The following ISLR2 variants were observed in gnomAD, a reference collection of about 807,000 sequenced individuals.
ISLR2 encodes the protein immunoglobulin superfamily containing leucine-rich repeat protein 2.
In ISLR2, 16 loss-of-function variants were observed where a neutral mutation model predicts 25.5. The observed-to-expected ratio is 0.63, with a 90% CI of 0.43 to 0.95. ISLR2 has a LOEUF of 0.95. Among genes scored for constraint, ISLR2 ranks in the 40% least tolerant of loss-of-function variants. ISLR2 has a pLI of 0.00. For synonymous variants in ISLR2, 508 were observed against 486.6 expected (o/e 1.04, Z -0.58); for missense variants, 883 against 1,030.7 (o/e 0.86, Z 1.96).
chr15:74,134,663 A>G lies in ISLR2; in HGVS notation c.1909A>G (p.Met637Val). 6.2e-7 allele frequency: 1 copy of G among 1,614,006 alleles called. No individual in the cohort carries two copies. Among genetic ancestry groups the G allele is most frequent in the Non-Finnish European group, 8.5e-7 (1 of 1,179,984 alleles). ...LILRPQAPDP[M>V]EKRIAADFDP... is the part of the protein sequence containing the mutation. ...CCTGCGGCCTCAGGCCCCTGACCCT[A>G]TGGAGAAGCGCATCGCCGCAGACTT... The change falls in exon 3 of 3, where the codon ATG becomes GTG. Residue 637 changes from methionine to valine, a missense_variant. Transcript: ENST00000453268.
chr15:74,130,875 G>C (rs2072398742), intron 1 of ISLR2, among the ~76,000 whole-genome samples: 1 of 152,112 alleles, frequency 6.6e-6, no homozygotes, highest in Non-Finnish European at 1.5e-5. Context: ...GCCAGCGGCT[G>C]TGTAAATGTG....
intron 2 of ISLR2, among the ~76,000 whole-genome samples, chr15:74,119,900 G>A (rs755367774): frequency 1.3e-5 from 2 of 152,208 alleles, no homozygotes; most frequent in South Asian, 2.1e-4. Context: ...TACACAGCAA[G>A]TCACTGGCAG....
At chr15:74,128,830 C>A, upstream of ISLR2, 1 of 400,798 alleles carries the variant, frequency 2.5e-6, no homozygotes, top group Admixed American at 3.2e-5. Flanking sequence ...GGGTTCCCAA[C>A]ACCCGGACAA....
In ISLR2 at chr15:74,134,682, C is replaced by T; in HGVS notation, c.1928C>T (p.Ala643Val). Reference sequence around the variant, plus strand: ...GACCCTATGGAGAAGCGCATCGCCGCAGACTTCGACCCGCGTGCTTCGTAC... The same window carrying T: ...GACCCTATGGAGAAGCGCATCGCCGTAGACTTCGACCCGCGTGCTTCGTAC... ...APDPMEKRIA[A>V]DFDPRASYLE... Residue 643 changes from alanine to valine, a missense_variant, in exon 3 of 3, where the codon GCA becomes GTA. Ala to Val is a moderately conservative substitution (Grantham distance 64). Around this residue, in one of 2 missense-constraint regions of ISLR2, gnomAD observed 612 missense variants for 642.8 expected, o/e 0.95. Coordinates refer to ENST00000453268, the MANE Select transcript of ISLR2 (RefSeq NM_020851.3). 1 of 1,614,140 alleles carries T rather than the reference C, an allele frequency of 6.2e-7. No homozygotes were observed. Among genetic ancestry groups the T allele is most frequent in the Non-Finnish European group, 8.5e-7 (1 of 1,180,024 alleles).
intron 2 of ISLR2, among the ~76,000 whole-genome samples, chr15:74,104,708 A>T (rs549353588): frequency 2.4e-4 from 36 of 152,120 alleles, no homozygotes; most frequent in African/African-American, 8.4e-4. Context: ...CAGGAGTTGG[A>T]GGCTATGGTG....
chr15:74,126,893 CATTTGT>C (rs1567158166), upstream of ISLR2: 1 of 125,852 alleles, frequency 7.9e-6, no homozygotes, highest in African/African-American at 3.1e-5. Flanking sequence ...CTGGAGAGAA[CATTTGT>C]GTGTGTGTGT....
Position 74,133,354 on chromosome 15 carries a change from G to A in ISLR2, c.600G>A (p.Arg200=), listed in dbSNP as rs747824637. The change falls in exon 3 of 3, where the codon CGG becomes CGA. Residue 200 remains arginine (R), a synonymous_variant. Transcript: ENST00000453268. ...TGCAGGCCTGGGCCGCGAGCACCCGGGTGTCCTTACCCGAGCCCGACTCCA... is the reference window on the plus strand; with the variant it reads ...TGCAGGCCTGGGCCGCGAGCACCCGAGTGTCCTTACCCGAGCCCGACTCCA... ...VWLQAWAAST[R]VSLPEPDSIA... 2 of 1,608,444 alleles carry A rather than the reference G, an allele frequency of 1.2e-6. No homozygotes were observed.
intron 2 of ISLR2, among the ~76,000 whole-genome samples, chr15:74,120,692 A>C (rs1286587202): frequency 3.3e-5 from 5 of 152,054 alleles, no homozygotes; most frequent in Admixed American, 2.6e-4. Context: ...TTTAAATCCC[A>C]GCTTTGCTGT....
chr15:74,107,770 G>A (rs946923022), intron 2 of ISLR2, among the ~76,000 whole-genome samples: 3 of 152,144 alleles, frequency 2.0e-5, no homozygotes, highest in South Asian at 4.1e-4. Flanking sequence ...CCTATCATTC[G>A]ATGCAGAGAC....
At chr15:74,107,571 C>A (rs1292717793) in intron 2 of ISLR2, among the ~76,000 whole-genome samples, 3 of 152,204 alleles carry the variant, frequency 2.0e-5, no homozygotes, top group African/African-American at 7.2e-5. Flanking sequence ...GCTCTGCCTG[C>A]CCTACCCACA....
chr15:74,119,822 T>G (rs1372299357), intron 2 of ISLR2, among the ~76,000 whole-genome samples: 1 of 152,156 alleles, frequency 6.6e-6, no homozygotes, highest in Non-Finnish European at 1.5e-5. Context: ...ATTAATAATC[T>G]AGAGCAGACC....
intron 2 of ISLR2, among the ~76,000 whole-genome samples, chr15:74,108,108 GGGTCA>G (rs1251816252): frequency 1.3e-5 from 2 of 152,154 alleles, no homozygotes; most frequent in African/African-American, 4.8e-5. Context: ...GGGAGGGGCG[GGGTCA>G]GCCCAAGTCA....
At chr15:74,138,076 C>T (rs1022626517), downstream of ISLR2, among the ~76,000 whole-genome samples, 4 of 152,074 alleles carry the variant, frequency 2.6e-5, no homozygotes, top group Non-Finnish European at 5.9e-5. Flanking sequence ...GATCCTTTAA[C>T]CTCCTCGTCT....
upstream of ISLR2, chr15:74,129,351 C>T (rs1490871416): frequency 3.8e-6 from 1 of 262,496 alleles, no homozygotes; most frequent in Non-Finnish European, 7.5e-6. This position sits in a 1 kb window ranked among gnomAD's most constrained non-coding sequence, Gnocchi z 4.5. Flanking sequence ...ACCCCCTCCC[C>T]TAGCTCATTA....
rs776103779 is a variant in ISLR2 at position 74,133,899 on chromosome 15, C to T, written c.1145C>T (p.Pro382Leu). 1.2e-6 allele frequency: 2 copies of T among 1,606,492 alleles called. No homozygotes were observed. The highest frequency in any genetic ancestry group is 2.2e-5 in the South Asian group (2 of 90,074). The change falls in exon 3 of 3, where the codon CCT (proline) becomes CTT (leucine). Residue 382 changes from proline to leucine, a missense_variant. Physicochemically the swap from Pro to Leu is moderately conservative, Grantham distance 98. Around this residue, in one of 2 missense-constraint regions of ISLR2, gnomAD observed 612 missense variants for 642.8 expected, o/e 0.95. Transcript: ENST00000453268. ...VAATGPPKHA[P>L]GAGGEPDGQA... ...GCAACCGGGCCCCCAAAACACGCGC[C>T]TGGCGCCGGGGGAGAACCCGACGGA... is the stretch of plus-strand genomic sequence containing the variant.
intron 2 of ISLR2, among the ~76,000 whole-genome samples, chr15:74,106,227 C>T (rs899418763): frequency 2.0e-5 from 3 of 152,090 alleles, no homozygotes; most frequent in African/African-American, 7.2e-5. Context: ...CATGAAGCCA[C>T]CTTGGGTACA....
At chr15:74,124,494 A>G (rs1435244447), upstream of ISLR2, among the ~76,000 whole-genome samples, 1 of 152,178 alleles carries the variant, frequency 6.6e-6, no homozygotes, top group East Asian at 1.9e-4. Context: ...ACAGTGGCTT[A>G]CACCTGTAAT....
chr15:74,128,285 G>A (rs1379729465), upstream of ISLR2: 1 of 363,024 alleles, frequency 2.8e-6, no homozygotes, highest in Non-Finnish European at 5.2e-6. Flanking sequence ...CGGGCACTGG[G>A]CTCTCCAGGG....
intron 2 of ISLR2, among the ~76,000 whole-genome samples, chr15:74,116,331 A>T (rs2072210617): frequency 6.6e-6 from 1 of 151,982 alleles, no homozygotes. Flanking sequence ...TGGGAGGCCA[A>T]GGCAGGAGGA....
Sources: allele counts gnomAD v4.1 joint callset (sites outside exome capture counted in the v4.1 genomes callset), GRCh38; gene constraint gnomAD v4.1.1; regional missense constraint gnomAD v4.1.1; non-coding constraint Gnocchi (gnomAD v3.1); transcripts MANE v1.5; gene names NCBI Gene and HGNC (gene_info 2026-07-23, HGNC 2026-07-21).